PALM2AKAP2: variants seen among roughly 807,000 people sequenced by gnomAD.
PALM2AKAP2 encodes PALM2-AKAP2 fusion protein.
A neutral mutation model predicts 71.5 loss-of-function variants in PALM2AKAP2; 37 were observed. That is an observed-to-expected ratio of 0.52 (90% CI 0.40 to 0.68). The LOEUF (loss-of-function observed/expected upper bound fraction) is 0.68. Ranked by LOEUF, PALM2AKAP2 falls within the 30% of genes least tolerant of loss-of-function variation. The pLI is 0.00. For synonymous variants in PALM2AKAP2, 468 were observed against 478.8 expected (o/e 0.98, Z 0.29); for missense variants, 1,224 against 1,191.8 (o/e 1.03, Z -0.40).
intron 1 of PALM2AKAP2, among the ~76,000 whole-genome samples, chr9:109,732,224 C>G (rs751292094): frequency 8.5e-5 from 13 of 152,230 alleles, no homozygotes; most frequent in Non-Finnish European, 1.9e-4. Flanking sequence ...GTACCTAGCT[C>G]TGTGGTTTCC....
intron 7 of PALM2AKAP2, among the ~76,000 whole-genome samples, chr9:110,042,197 C>A (rs2132463682): frequency 6.6e-6 from 1 of 152,276 alleles, no homozygotes; most frequent in Middle Eastern, 3.4e-3. Context: ...GAGGCCGAAG[C>A]TTGCAGATCA....
chr9:109,736,651 T>G (rs1341533008), intron 1 of PALM2AKAP2, among the ~76,000 whole-genome samples: 1 of 152,178 alleles, frequency 6.6e-6, no homozygotes, highest in East Asian at 1.9e-4. Context: ...ATTTCTTAAA[T>G]GTATCTATCG....
chr9:110,095,880 G>A (rs1456632236), intron 1 of PALM2AKAP2, among the ~76,000 whole-genome samples: 2 of 152,130 alleles, frequency 1.3e-5, no homozygotes, highest in Non-Finnish European at 2.9e-5. Context: ...TCCTCTTTTG[G>A]GGCTGGGACT....
intron 6 of PALM2AKAP2, among the ~76,000 whole-genome samples, chr9:109,994,216 A>G (rs1476000244): frequency 2.0e-5 from 3 of 152,200 alleles, no homozygotes; most frequent in Admixed American, 1.3e-4. Flanking sequence ...TGCTTTAAAA[A>G]TTTGCATGTG....
chr9:109,746,352 A>G (rs1198283414), intron 1 of PALM2AKAP2, among the ~76,000 whole-genome samples: 2 of 152,222 alleles, frequency 1.3e-5, no homozygotes, highest in East Asian at 1.9e-4. Context: ...CATTTTAGAA[A>G]GCATGGGGGA....
chr9:110,167,323 G>A lies in PALM2AKAP2; in HGVS notation c.2749-1076G>A, dbSNP rs144808685. ...CAGTTTGCATAATCAACCAATGTTG[G>A]CTCTACTGGACTTTTCTTCAAAATC... On this transcript the variant is annotated intron_variant, in intron 3 of 3. Transcript: ENST00000374525. Among the ~76,000 whole-genome samples the A allele has an allele frequency of 1.1e-3, 162 of 152,304 alleles. 1 individual carries two copies. The highest frequency in any genetic ancestry group is 3.8e-3 in the African/African-American group (156 of 41,560).
At chr9:110,087,960 G>C (rs756067677) in intron 1 of PALM2AKAP2, among the ~76,000 whole-genome samples, 5 of 152,188 alleles carry the variant, frequency 3.3e-5, no homozygotes, top group South Asian at 2.1e-4. Context: ...TGAGACAACA[G>C]CATTTGTATT....
intron 1 of PALM2AKAP2, among the ~76,000 whole-genome samples, chr9:109,669,628 A>G (rs1827544985): frequency 1.3e-5 from 2 of 152,118 alleles, no homozygotes; most frequent in Admixed American, 6.6e-5. Context: ...TTTAATAGAT[A>G]TAGAACTACT....
At chr9:109,867,650 T>C in intron 2 of PALM2AKAP2, 79 bp downstream of exon 2, 4 of 1,477,234 alleles carry the variant, frequency 2.7e-6, no homozygotes, top group Admixed American at 2.5e-5. Context: ...GTGCCTGCCC[T>C]GCCGTGAAGG....
intron 1 of PALM2AKAP2, among the ~76,000 whole-genome samples, chr9:109,719,773 C>T (rs1303125343): frequency 5.3e-5 from 8 of 152,158 alleles, no homozygotes; most frequent in Non-Finnish European, 7.3e-5. Flanking sequence ...CCAGTTCCTC[C>T]ATGGGCTCAT....
intron 6 of PALM2AKAP2, among the ~76,000 whole-genome samples, chr9:109,932,715 C>T (rs192338150): frequency 3.3e-4 from 48 of 144,572 alleles, no homozygotes; most frequent in African/African-American, 1.1e-3. Flanking sequence ...AATCTGTACA[C>T]GAACCCTTAT....
chr9:109,666,769 G>GA (rs916835663), intron 1 of PALM2AKAP2, among the ~76,000 whole-genome samples: 21 of 152,238 alleles, frequency 1.4e-4, no homozygotes, highest in African/African-American at 4.6e-4. Flanking sequence ...ATTACCAGAG[G>GA]AAAAAAACAT....
At chr9:109,995,424 T>C (rs970486372) in intron 6 of PALM2AKAP2, among the ~76,000 whole-genome samples, 8 of 152,228 alleles carry the variant, frequency 5.3e-5, no homozygotes, top group African/African-American at 1.9e-4. Flanking sequence ...GCAGTTGAGG[T>C]GGTGCATTAG....
At chr9:109,917,344 A>G (rs1236154276) in intron 3 of PALM2AKAP2, among the ~76,000 whole-genome samples, 4 of 152,184 alleles carry the variant, frequency 2.6e-5, no homozygotes, top group Non-Finnish European at 5.9e-5. Flanking sequence ...AAGATAATAA[A>G]TGTAGATTGT....
In PALM2AKAP2 at chr9:110,132,032, C is replaced by CGCGT. The variant is rs1049587808; in HGVS notation, c.157-4094_157-4093insCGTG. ...ACTTTGACTTTTAACAAGTAACTAG[C>CGCGT]GTGTGTGTGTGTGTGTGTGTGTGTG... On this transcript the variant is annotated intron_variant, in intron 1 of 3. Transcript: ENST00000374525. Among the ~76,000 whole-genome samples, 144 of 147,538 alleles carry CGCGT rather than the reference C, an allele frequency of 9.8e-4. 1 individual carries two copies. Among genetic ancestry groups the CGCGT allele is most frequent in the Non-Finnish European group, 1.7e-3 (114 of 66,824 alleles).
At chr9:109,755,823 G>A (rs1445361326) in intron 1 of PALM2AKAP2, among the ~76,000 whole-genome samples, 2 of 151,862 alleles carry the variant, frequency 1.3e-5, no homozygotes, top group Non-Finnish European at 1.5e-5. Context: ...ATGTAAACCT[G>A]ATGAAGACTT....
At chr9:109,726,100 A>G (rs1256022170) in intron 1 of PALM2AKAP2, among the ~76,000 whole-genome samples, 1 of 152,088 alleles carries the variant, frequency 6.6e-6, no homozygotes, top group Non-Finnish European at 1.5e-5. Flanking sequence ...ACAGACATTT[A>G]TTTTTCTTAG....
intron 3 of PALM2AKAP2, among the ~76,000 whole-genome samples, chr9:109,887,385 C>G (rs549703546): frequency 6.6e-6 from 1 of 152,358 alleles, no homozygotes; most frequent in East Asian, 1.9e-4. Context: ...CTGTGCACTT[C>G]CAGCCGGGGT....
At chr9:109,924,982 T>A in intron 4 of PALM2AKAP2, 79 bp from the exon 5 acceptor site, 1 of 1,604,014 alleles carries the variant, frequency 6.2e-7, no homozygotes, top group Non-Finnish European at 8.5e-7. Context: ...AAAGATGGGT[T>A]AAGTCTTTAA....
Sources: gnomAD v4.1 joint callset for allele counts (sites outside exome capture counted in the v4.1 genomes callset) on GRCh38, gnomAD v4.1.1 for gene constraint, MANE v1.5 for transcripts, NCBI Gene and HGNC (gene_info 2026-07-23, HGNC 2026-07-21) for gene names.